Variants in SEMA6D observed in about 807,000 individuals in gnomAD.
SEMA6D encodes semaphorin 6D.
A neutral mutation model predicts 106.6 loss-of-function variants in SEMA6D; 35 were observed. The observed-to-expected ratio is 0.33, with a 90% CI of 0.25 to 0.44. The LOEUF (loss-of-function observed/expected upper bound fraction) is 0.44, where lower values mean the gene tolerates loss of function less well. Ranked by LOEUF, SEMA6D falls within the 20% of genes least tolerant of loss-of-function variation. The pLI is 1.00. For missense variants in SEMA6D, 1,185 were observed against 1,345.9 expected (o/e 0.88, Z 1.87); for synonymous variants, 499 against 487.7 (o/e 1.02, Z -0.31).
At chr15:47,765,084 C>G in intron 13 of SEMA6D, 28 bp downstream of exon 13, 1 of 1,601,322 alleles carries the variant, frequency 6.2e-7, no homozygotes, top group Non-Finnish European at 8.5e-7. Flanking sequence ...GAACGCCCTT[C>G]AGCACTGCTC....
At chr15:47,739,090 C>A (rs1230312344) in intron 1 of SEMA6D, among the ~76,000 whole-genome samples, 6 of 152,182 alleles carry the variant, frequency 3.9e-5, no homozygotes, top group African/African-American at 1.2e-4. Context: ...GGGCTCCAAA[C>A]TGGCACAGCA....
intron 1 of SEMA6D, among the ~76,000 whole-genome samples, chr15:47,352,934 C>A (rs1055650976): frequency 2.0e-5 from 3 of 152,154 alleles, no homozygotes; most frequent in African/African-American, 7.2e-5. Flanking sequence ...TGAATGTGCA[C>A]AGTTTGGATA....
intron 2 of SEMA6D, among the ~76,000 whole-genome samples, chr15:47,437,316 T>C (rs2041748962): frequency 6.6e-6 from 1 of 152,116 alleles, no homozygotes; most frequent in Non-Finnish European, 1.5e-5. Flanking sequence ...TCATGTCTTA[T>C]GATGTTTTTA....
chr15:47,462,239 C>A (rs530781588), intron 2 of SEMA6D, among the ~76,000 whole-genome samples: 1 of 152,042 alleles, frequency 6.6e-6, no homozygotes, highest in Non-Finnish European at 1.5e-5. Flanking sequence ...TTGTTTGGGG[C>A]TATTATTTAA....
intron 1 of SEMA6D, among the ~76,000 whole-genome samples, chr15:47,407,333 C>T (rs1043931001): frequency 5.3e-5 from 7 of 132,262 alleles, no homozygotes; most frequent in African/African-American, 1.7e-4. Flanking sequence ...CGTGCCACTG[C>T]ACTCCAGCCT....
At chr15:47,206,960 T>C (rs1397177903) in intron 1 of SEMA6D, among the ~76,000 whole-genome samples, 1 of 151,602 alleles carries the variant, frequency 6.6e-6, no homozygotes, top group East Asian at 1.9e-4. Flanking sequence ...AAAAAACAAA[T>C]AAGAGAGAGA....
chr15:47,210,625 C>T lies in SEMA6D; in HGVS notation c.-239+26207C>T, dbSNP rs904520992. The stretch of plus-strand genomic sequence containing the variant: ...ACTAAAAATACAAAAATCCGTGGCG[C>T]GTGGTGGCACATGCCTATAGTCCCA... On this transcript the variant is annotated intron_variant, in intron 1 of 19. Coordinates refer to the SEMA6D transcript ENST00000558014. 5.9e-5 allele frequency among the ~76,000 whole-genome samples: 9 copies of T among 151,768 alleles called. 1 individual carries two copies. The highest frequency in any genetic ancestry group is 5.3e-4 in the Admixed American group (8 of 15,220).
intron 2 of SEMA6D, among the ~76,000 whole-genome samples, chr15:47,428,496 G>C (rs78412352): frequency 0.058 from 2,100 of 36,124 alleles, 632 homozygotes; most frequent in African/African-American, 0.16. Flanking sequence ...GCAAGGTGCA[G>C]TGGGTCACAC....
chr15:47,738,582 T>C (rs2080595999), intron 1 of SEMA6D, among the ~76,000 whole-genome samples: 1 of 151,250 alleles, frequency 6.6e-6, no homozygotes, highest in Non-Finnish European at 1.5e-5. Context: ...GACCAAAGAC[T>C]CTCTGTTTCT....
At chr15:47,763,760 A>AT in intron 9 of SEMA6D, 90 bp from the exon 10 acceptor site, 3 of 1,131,880 alleles carry the variant, frequency 2.7e-6, no homozygotes, top group Non-Finnish European at 2.7e-6. Flanking sequence ...TATCTTTAGT[A>AT]TTTTTTGTCC....
chr15:47,402,955 G>A (rs1352385346), intron 1 of SEMA6D, among the ~76,000 whole-genome samples: 1 of 152,100 alleles, frequency 6.6e-6, no homozygotes, highest in African/African-American at 2.4e-5. Flanking sequence ...CTGCAGCACT[G>A]TTCTCACTAG....
chr15:47,502,085 TAAC>T (rs2043868201), intron 3 of SEMA6D, among the ~76,000 whole-genome samples: 1 of 152,132 alleles, frequency 6.6e-6, no homozygotes, highest in Non-Finnish European at 1.5e-5. Context: ...GCATCCACGC[TAAC>T]AACAATTTCA....
intron 1 of SEMA6D, among the ~76,000 whole-genome samples, chr15:47,187,273 C>A (rs1893644799): frequency 6.6e-6 from 1 of 152,034 alleles, no homozygotes; most frequent in Non-Finnish European, 1.5e-5. Flanking sequence ...AAAGAATTTT[C>A]AAAATAGAAA....
chr15:47,477,916 T>C (rs1431086296), intron 3 of SEMA6D, among the ~76,000 whole-genome samples: 1 of 152,186 alleles, frequency 6.6e-6, no homozygotes, highest in Non-Finnish European at 1.5e-5. Context: ...CAGTTGTTCA[T>C]AAAAACTAAA....
At chr15:47,228,219 A>AT (rs1278095107) in intron 1 of SEMA6D, among the ~76,000 whole-genome samples, 1 of 150,740 alleles carries the variant, frequency 6.6e-6, no homozygotes, top group Non-Finnish European at 1.5e-5. Flanking sequence ...CATACAAGTG[A>AT]TTGAGTCGTA....
intron 2 of SEMA6D, among the ~76,000 whole-genome samples, chr15:47,461,058 C>T (rs999344281): frequency 1.3e-5 from 2 of 152,096 alleles, no homozygotes; most frequent in African/African-American, 4.8e-5. Flanking sequence ...TCTTTTTGCT[C>T]CTTGAGCAAG....
chr15:47,314,077 C>T (rs1012674822), intron 1 of SEMA6D, among the ~76,000 whole-genome samples: 1 of 152,172 alleles, frequency 6.6e-6, no homozygotes, highest in Non-Finnish European at 1.5e-5. Flanking sequence ...ACAGTTTCTG[C>T]TGCTCCATAT....
At chr15:47,334,396 AC>A (rs1395533243) in intron 1 of SEMA6D, among the ~76,000 whole-genome samples, 3 of 152,246 alleles carry the variant, frequency 2.0e-5, no homozygotes, top group Admixed American at 1.3e-4. Flanking sequence ...TGGGGCCCAG[AC>A]TTATGACTAG....
chr15:47,550,379 T>C (rs1413187155), intron 3 of SEMA6D, among the ~76,000 whole-genome samples: 6 of 152,196 alleles, frequency 3.9e-5, no homozygotes, highest in African/African-American at 1.4e-4. Context: ...GTGCTTTATC[T>C]TGCCCTCATT....
Sources: allele counts gnomAD v4.1 joint callset (sites outside exome capture counted in the v4.1 genomes callset), GRCh38; gene constraint gnomAD v4.1.1; transcripts MANE v1.5; gene names NCBI Gene and HGNC (gene_info 2026-07-23, HGNC 2026-07-21).